Variants in CPEB3 observed in about 807,000 individuals in gnomAD.
The protein encoded by CPEB3 is cytoplasmic polyadenylation element-binding protein 3.
In CPEB3, 20 loss-of-function variants were observed where a neutral mutation model predicts 67.2. That is an observed-to-expected ratio of 0.30 (90% CI 0.21 to 0.43). CPEB3 has a LOEUF of 0.43. CPEB3 is among the 20% of genes least tolerant of loss of function. The pLI is 1.00. For synonymous variants in CPEB3, 376 were observed against 393.1 expected (o/e 0.96, Z 0.51); for missense variants, 746 against 968.6 (o/e 0.77, Z 3.05).
At chr10:92,124,011 A>C (rs1353358428) in intron 6 of CPEB3, among the ~76,000 whole-genome samples, 1 of 152,164 alleles carries the variant, frequency 6.6e-6, no homozygotes, top group Non-Finnish European at 1.5e-5. Flanking sequence ...TCCCAACCCA[A>C]GCTATATCCT....
chr10:92,094,617 G>T (rs1170429358), intron 7 of CPEB3, among the ~76,000 whole-genome samples: 1 of 150,202 alleles, frequency 6.7e-6, no homozygotes, highest in Non-Finnish European at 1.5e-5. Flanking sequence ...AAAAAAAAAT[G>T]CAGTTCTTTC....
chr10:92,052,880 G>C (rs1841953595), intron 9 of CPEB3, among the ~76,000 whole-genome samples: 1 of 152,222 alleles, frequency 6.6e-6, no homozygotes, highest in Non-Finnish European at 1.5e-5. Flanking sequence ...TGCAGGGAGA[G>C]GAAGCAGCCA....
In CPEB3 at chr10:92,239,920, T is replaced by C. The variant is rs2134670234; in HGVS notation, c.431A>G (p.Asn144Ser). The change falls in exon 2 of 10, where the codon AAC becomes AGC. Residue 144 changes from asparagine to serine, a missense_variant. Asn to Ser is a conservative substitution (Grantham distance 46, BLOSUM62 1). Coordinates refer to ENST00000265997, the MANE Select transcript of CPEB3 (RefSeq NM_014912.5). The surrounding 1 kb of genome is among the most constrained non-coding windows in gnomAD (Gnocchi z 6.0). ...MLFQNFPHHVNPVFGGTFSPQ... is the reference protein window; with the variant it reads ...MLFQNFPHHVSPVFGGTFSPQ... ...GGAGAAAGTGCCTCCGAAGACTGGG[T>C]TGACATGGTGCGGGAAGTTCTGGAA... 6.2e-7 allele frequency: 1 copy of C among 1,612,542 alleles called. No homozygotes were observed. Among genetic ancestry groups the C allele is most frequent in the Non-Finnish European group, 8.5e-7 (1 of 1,179,480 alleles).
chr10:92,222,872 GT>G (rs968064544), intron 2 of CPEB3, among the ~76,000 whole-genome samples: 2 of 152,104 alleles, frequency 1.3e-5, no homozygotes, highest in African/African-American at 4.8e-5. Context: ...ACTATGCCTT[GT>G]ATTAGAACAG....
chr10:92,287,813 T>C (rs1043234679), intron 1 of CPEB3, among the ~76,000 whole-genome samples: 3 of 152,174 alleles, frequency 2.0e-5, no homozygotes, highest in Non-Finnish European at 4.4e-5. Context: ...CCAGAACCAT[T>C]ATCTAATTCT....
At chr10:92,143,151 G>GA (rs777784173) in intron 5 of CPEB3, 33 bp from the exon 6 acceptor site, 7 of 1,525,114 alleles carry the variant, frequency 4.6e-6, no homozygotes, top group Admixed American at 1.8e-5. Flanking sequence ...TAGCAAAAGA[G>GA]AAAAAAATAT....
intron 3 of CPEB3, 124 bp downstream of exon 3, chr10:92,192,353 A>G: frequency 6.7e-6 from 6 of 901,618 alleles, no homozygotes; most frequent in Non-Finnish European, 1.0e-5. Flanking sequence ...TACATTCCAC[A>G]ATGCTTTACA....
In CPEB3 at chr10:92,181,015, G is replaced by A. The variant is rs375966304; in HGVS notation, c.1170C>T (p.Arg390=). Residue 390 remains arginine, a synonymous_variant, in exon 4 of 10, where the codon CGC becomes CGT. Transcript: ENST00000265997. ...CTGGATGATGGAAATTTATCCCCAT[G>A]CGTCCTAAAAAATAAAATAATTTTA... is the stretch of plus-strand genomic sequence containing the variant. The part of the protein sequence containing the change: ...DIMWRNHFAG[R]MGINFHHPGT... 5 of 1,497,128 alleles carry A rather than the reference G, an allele frequency of 3.3e-6. No individual in the cohort carries two copies. The African/African-American group carries it at 6.9e-5, about 21-fold the overall frequency. 92.7% of individuals were successfully genotyped at this position (1,497,128 alleles called of 1,614,324 possible).
At chr10:92,104,951 A>G (rs908929030) in intron 7 of CPEB3, among the ~76,000 whole-genome samples, 1 of 151,836 alleles carries the variant, frequency 6.6e-6, no homozygotes, top group Non-Finnish European at 1.5e-5. Context: ...CCTATGCTGG[A>G]GTGCACTGGT....
intron 9 of CPEB3, among the ~76,000 whole-genome samples, chr10:92,056,941 A>G (rs1201736276): frequency 2.6e-5 from 4 of 152,138 alleles, no homozygotes; most frequent in Admixed American, 2.0e-4. Flanking sequence ...TCCAGGCCCT[A>G]CCTCCCAGGT....
chr10:92,286,511 G>A (rs1842531154), intron 1 of CPEB3, among the ~76,000 whole-genome samples: 3 of 151,586 alleles, frequency 2.0e-5, no homozygotes, highest in Admixed American at 2.0e-4. Flanking sequence ...CTTGAACCTG[G>A]GAGTGGGAGG....
chr10:92,231,760 C>T (rs1321077030), intron 2 of CPEB3, among the ~76,000 whole-genome samples: 1 of 152,160 alleles, frequency 6.6e-6, no homozygotes, highest in Non-Finnish European at 1.5e-5. Context: ...TGCTCTGTCA[C>T]CCAGGCTGGA....
chr10:92,238,213 C>G (rs1041949551), intron 2 of CPEB3, among the ~76,000 whole-genome samples: 4 of 152,194 alleles, frequency 2.6e-5, no homozygotes, highest in Admixed American at 6.5e-5. Flanking sequence ...AAGCTTACAG[C>G]CAAATCAACT....
chr10:92,195,046 A>AACACAC (rs371911549), intron 2 of CPEB3, among the ~76,000 whole-genome samples: 11,265 of 116,998 alleles, frequency 0.096, 879 homozygotes, highest in Admixed American at 0.2. Flanking sequence ...TGTCTCAAAA[A>AACACAC]ACACACACAC....
chr10:92,150,258 T>C (rs199871956), intron 4 of CPEB3, among the ~76,000 whole-genome samples: 131 of 145,486 alleles, frequency 9.0e-4, no homozygotes, highest in Middle Eastern at 3.5e-3. Flanking sequence ...CTCTCTCTCT[T>C]TTTTTTTTTT....
intron 2 of CPEB3, among the ~76,000 whole-genome samples, chr10:92,226,205 C>T (rs570032550): frequency 6.6e-5 from 10 of 152,284 alleles, no homozygotes; most frequent in African/African-American, 1.7e-4. Flanking sequence ...GGAAAAACTC[C>T]GAAAATATCT....
intron 9 of CPEB3, among the ~76,000 whole-genome samples, chr10:92,060,873 G>A (rs1311879686): frequency 6.6e-6 from 1 of 152,206 alleles, no homozygotes; most frequent in Non-Finnish European, 1.5e-5. Context: ...GCAAATGCTG[G>A]TAAGGATGTA....
chr10:92,272,291 T>A (rs1853341765), intron 1 of CPEB3: 1 of 152,160 alleles, frequency 6.6e-6, no homozygotes, highest in African/African-American at 2.4e-5. Flanking sequence ...TATCTCATCA[T>A]TTTTTTAGCA....
chr10:92,185,993 T>G (rs1848669947), intron 3 of CPEB3, among the ~76,000 whole-genome samples: 1 of 152,088 alleles, frequency 6.6e-6, no homozygotes, highest in Non-Finnish European at 1.5e-5. Context: ...CACATACTAA[T>G]AGCGGGTAAT....
Sources: allele counts gnomAD v4.1 joint callset (sites outside exome capture counted in the v4.1 genomes callset), GRCh38; gene constraint gnomAD v4.1.1; non-coding constraint Gnocchi (gnomAD v3.1); transcripts MANE v1.5; gene names NCBI Gene and HGNC (gene_info 2026-07-23, HGNC 2026-07-21).